Variants in AR observed in about 807,000 individuals in gnomAD.
AR encodes androgen receptor.
Under a neutral mutation model 53.9 loss-of-function variants are expected in AR, and 8 were observed. That is an observed-to-expected ratio of 0.15 (90% CI 0.09 to 0.27). The LOEUF (loss-of-function observed/expected upper bound fraction) is 0.27, where lower values mean the gene tolerates loss of function less well. AR is among the 10% of genes least tolerant of loss of function. The pLI is 1.00. For missense variants in AR, 639 were observed against 742.5 expected (o/e 0.86, Z 1.62); for synonymous variants, 359 against 316.4 (o/e 1.13, Z -1.43).
chrX:67,586,134 T>G (rs2147360361), intron 1 of AR, among the ~76,000 whole-genome samples: 1 of 111,581 alleles, frequency 9.0e-6, no homozygotes, highest in South Asian at 3.8e-4. Context: ...AATTTGCAAG[T>G]GTGTGGAGAT....
At chrX:67,635,916 T>G (rs1240486333) in intron 1 of AR, among the ~76,000 whole-genome samples, 1 of 111,826 alleles carries the variant, frequency 8.9e-6, no homozygotes. Flanking sequence ...CTCCTGTGTT[T>G]GCAATTAGGA....
chrX:67,611,209 C>A (rs1220446943), intron 1 of AR, among the ~76,000 whole-genome samples: 1 of 111,575 alleles, frequency 9.0e-6, no homozygotes, highest in East Asian at 2.8e-4. Flanking sequence ...CTTTTCCCTG[C>A]CAAAAATTGC....
At chrX:67,678,096 T>C (rs2075911427) in intron 2 of AR, among the ~76,000 whole-genome samples, 1 of 109,802 alleles carries the variant, frequency 9.1e-6, no homozygotes, top group African/African-American at 3.3e-5. Context: ...GGTATGAAGA[T>C]TGGACTAAAT....
chrX:67,660,483 T>A (rs1926838677), intron 2 of AR, among the ~76,000 whole-genome samples: 1 of 111,946 alleles, frequency 8.9e-6, no homozygotes, highest in African/African-American at 3.2e-5. Context: ...CCTTTCCCCA[T>A]TTCTTGTTTT....
chrX:67,579,491 A>T (rs1922195683), intron 1 of AR, among the ~76,000 whole-genome samples: 1 of 111,909 alleles, frequency 8.9e-6, no homozygotes, highest in Non-Finnish European at 1.9e-5. Flanking sequence ...CTTTGAGTGA[A>T]GAAAGGGCTG....
chrX:67,613,888 C>T (rs1156830498), intron 1 of AR, among the ~76,000 whole-genome samples: 1 of 112,054 alleles, frequency 8.9e-6, no homozygotes, highest in African/African-American at 3.2e-5. Flanking sequence ...AGTGTTTGTC[C>T]CTACCTGAAT....
At chrX:67,630,697 T>G (rs1403929238) in intron 1 of AR, among the ~76,000 whole-genome samples, 1 of 110,855 alleles carries the variant, frequency 9.0e-6, no homozygotes, top group Non-Finnish European at 1.9e-5. Flanking sequence ...TTTAGCTGGT[T>G]ATTTTGCTCG....
chrX:67,706,449 T>C (rs1241913140), intron 3 of AR, among the ~76,000 whole-genome samples: 5 of 112,196 alleles, frequency 4.5e-5, no homozygotes, highest in African/African-American at 1.6e-4. Context: ...GTATTTATAG[T>C]ATTCTCTGAT....
At chrX:67,717,365 G>A (rs2076117534) in intron 4 of AR, 113 bp from the exon 5 acceptor site, 1 of 1,026,882 alleles carries the variant, frequency 9.7e-7, no homozygotes, top group Non-Finnish European at 1.3e-6. Flanking sequence ...ATGGTCCCTG[G>A]GGATCCTTAG....
At chrX:67,677,833 T>C (rs1461892505) in intron 2 of AR, among the ~76,000 whole-genome samples, 1 of 111,182 alleles carries the variant, frequency 9.0e-6, no homozygotes, top group East Asian at 2.8e-4. Flanking sequence ...ATGATCTCCA[T>C]AGAGGTTCTC....
chrX:67,638,140 C>A (rs1007587508), intron 1 of AR, among the ~76,000 whole-genome samples: 2 of 111,318 alleles, frequency 1.8e-5, no homozygotes, highest in Non-Finnish European at 3.8e-5. Context: ...CATGTCCCTG[C>A]AAAGGACATG....
At chrX:67,669,314 G>A (rs1323971228) in intron 2 of AR, among the ~76,000 whole-genome samples, 5 of 111,310 alleles carry the variant, frequency 4.5e-5, no homozygotes, top group Non-Finnish European at 9.5e-5. Flanking sequence ...TCATTCCAGA[G>A]TATACTGTTT....
At chrX:67,702,920 C>CA (rs751385958) in intron 3 of AR, among the ~76,000 whole-genome samples, 9 of 111,068 alleles carry the variant, frequency 8.1e-5, no homozygotes, top group African/African-American at 2.6e-4. Flanking sequence ...CCCATCTCTA[C>CA]AAAAAATGTT....
intron 1 of AR, among the ~76,000 whole-genome samples, chrX:67,624,683 A>G (rs971255016): frequency 9.1e-6 from 1 of 110,151 alleles, no homozygotes; most frequent in African/African-American, 3.3e-5. Flanking sequence ...GTGACCAAGT[A>G]GGATTTATCT....
At chrX:67,645,200 A>G (rs1390867317) in intron 2 of AR, among the ~76,000 whole-genome samples, 6 of 112,189 alleles carry the variant, frequency 5.3e-5, no homozygotes, top group East Asian at 5.6e-4. Context: ...GATAGATTAG[A>G]TTATACTTGA....
chrX:67,721,082 C>T (rs1430267525), intron 5 of AR, among the ~76,000 whole-genome samples: 1 of 111,551 alleles, frequency 9.0e-6, no homozygotes, highest in Non-Finnish European at 1.9e-5. Context: ...GTGATCTGTT[C>T]AGAAGTGACT....
rs2076170720 is a variant in AR at position 67,729,242 on chromosome X, C to A, written c.*5401C>A. Reference sequence around the variant, plus strand: ...TGTCAGAGTACTAGAAGTTGTATCTCTGTAGGTGCAGGTCCATTTCTGCCC... The same window carrying A: ...TGTCAGAGTACTAGAAGTTGTATCTATGTAGGTGCAGGTCCATTTCTGCCC... On this transcript the variant is annotated 3_prime_UTR_variant, in exon 8 of 8. Transcript: ENST00000374690. 1 of 174,371 alleles carries A rather than the reference C, an allele frequency of 5.7e-6. No individual in the cohort carries two copies. Among genetic ancestry groups the A allele is most frequent in the Admixed American group, 7.9e-5 (1 of 12,737 alleles). 14.4% of individuals were successfully genotyped at this position (174,371 alleles called of 1,213,427 possible). A position where few individuals can be genotyped will look rare whatever the true frequency, so the allele number is the denominator to read the frequency against.
chrX:67,649,044 G>T (rs1479009920), intron 2 of AR, among the ~76,000 whole-genome samples: 1 of 111,003 alleles, frequency 9.0e-6, no homozygotes, highest in Non-Finnish European at 1.9e-5. Context: ...CCCCTAATAA[G>T]CCCCAGTGTG....
At chrX:67,662,443 T>G (rs1926980778) in intron 2 of AR, among the ~76,000 whole-genome samples, 2 of 111,828 alleles carry the variant, frequency 1.8e-5, no homozygotes, top group Non-Finnish European at 3.8e-5. Context: ...CTTCATTTCA[T>G]TATGTACCTA....
Sources: gnomAD v4.1 joint callset for allele counts (sites outside exome capture counted in the v4.1 genomes callset) on GRCh38, gnomAD v4.1.1 for gene constraint, MANE v1.5 for transcripts, NCBI Gene and HGNC (gene_info 2026-07-23, HGNC 2026-07-21) for gene names.